C8orf34: variants seen among roughly 807,000 people sequenced by gnomAD.
C8orf34 encodes uncharacterized protein C8orf34.
C8orf34 carries 65 observed loss-of-function variants against 68.3 expected under a neutral mutation model. That is an observed-to-expected ratio of 0.95 (90% CI 0.78 to 1.17). The LOEUF (loss-of-function observed/expected upper bound fraction) is 1.17, where lower values mean the gene tolerates loss of function less well. Ranked by LOEUF, C8orf34 falls within the 50% of genes most tolerant of loss-of-function variation. The probability of loss-of-function intolerance (pLI) is 0.00; values close to 1 mark genes in which losing one functional copy is unlikely to be tolerated. For synonymous variants in C8orf34, 244 were observed against 241.2 expected, an observed-to-expected ratio of 1.01 and a Z score of -0.11; for missense variants, 664 against 655.4, an observed-to-expected ratio of 1.01 and a Z score of -0.14.
intron 7 of C8orf34, among the ~76,000 whole-genome samples, chr8:68,566,847 T>A (rs990803765): frequency 2.6e-5 from 4 of 152,238 alleles, no homozygotes; most frequent in Non-Finnish European, 5.9e-5. Context: ...AAAGGGATGC[T>A]GGATTTTGTT....
At chr8:68,475,596 C>T (rs1445702732) in intron 4 of C8orf34, among the ~76,000 whole-genome samples, 2 of 152,168 alleles carry the variant, frequency 1.3e-5, no homozygotes, top group Non-Finnish European at 2.9e-5. Context: ...GTAGATTTGA[C>T]TTGTTTGCTG....
At chr8:68,639,001 C>T (rs1005658951) in intron 7 of C8orf34, among the ~76,000 whole-genome samples, 1 of 151,984 alleles carries the variant, frequency 6.6e-6, no homozygotes, top group African/African-American at 2.4e-5. Context: ...ATAGGGTGTT[C>T]TAGTGGTGAA....
At chr8:68,392,944 T>C (rs986668857) in intron 1 of C8orf34, among the ~76,000 whole-genome samples, 19 of 152,172 alleles carry the variant, frequency 1.2e-4, no homozygotes, top group African/African-American at 4.6e-4. Context: ...CATTCTCTTT[T>C]GAATTTTGTT....
intron 7 of C8orf34, among the ~76,000 whole-genome samples, chr8:68,593,929 T>C (rs551018493): frequency 6.6e-6 from 1 of 152,244 alleles, no homozygotes; most frequent in South Asian, 2.1e-4. Context: ...TTGATATATG[T>C]TTTTCATTTT....
At position 68,477,798 on chromosome 8, in the gene C8orf34, G is replaced by A. The variant is rs544206671; in HGVS notation, c.736+8978G>A. Among the ~76,000 whole-genome samples, 4 of 152,270 alleles carry A rather than the reference G, an allele frequency of 2.6e-5. No individual in the cohort carries two copies. The South Asian group carries it at 8.3e-4, about 32-fold the overall frequency. ...ATTCTTGACTTATGTGCACCCACAG[G>A]CCCAACACCACATGGAAGCCACCAA... On this transcript the variant is annotated intron_variant, in intron 4 of 13. Transcript: ENST00000518698.
At chr8:68,559,565 C>CA (rs200778323) in intron 7 of C8orf34, among the ~76,000 whole-genome samples, 389 of 151,894 alleles carry the variant, frequency 2.6e-3, no homozygotes, top group African/African-American at 8.3e-3. Context: ...GAGTCTATGG[C>CA]AAAAAAACAT....
intron 8 of C8orf34, among the ~76,000 whole-genome samples, chr8:68,693,073 TTTC>T (rs1388835838): frequency 2.6e-5 from 4 of 152,126 alleles, no homozygotes; most frequent in African/African-American, 9.6e-5. Flanking sequence ...TTTATGATAA[TTTC>T]TTCATTTCCT....
chr8:68,738,834 A>G (rs1337639786), intron 10 of C8orf34, among the ~76,000 whole-genome samples: 1 of 152,154 alleles, frequency 6.6e-6, no homozygotes, highest in Non-Finnish European at 1.5e-5. Flanking sequence ...AGATGGATTC[A>G]CAGCTGAATT....
chr8:68,565,186 G>A (rs1318012337), intron 7 of C8orf34, among the ~76,000 whole-genome samples: 2 of 151,932 alleles, frequency 1.3e-5, no homozygotes, highest in East Asian at 1.9e-4. Flanking sequence ...TGCCCAGATT[G>A]GCATCATTGC....
intron 5 of C8orf34, among the ~76,000 whole-genome samples, chr8:68,509,496 A>G (rs184112741): frequency 5.3e-4 from 80 of 152,044 alleles, no homozygotes; most frequent in Non-Finnish European, 8.7e-4. Context: ...AAGCCAACCA[A>G]TTTAAGACTT....
intron 1 of C8orf34, among the ~76,000 whole-genome samples, chr8:68,368,628 G>A (rs1184895151): frequency 6.6e-6 from 1 of 151,996 alleles, no homozygotes; most frequent in African/African-American, 2.4e-5. Flanking sequence ...AGTTAGGAAA[G>A]TTTTCTTCTC....
intron 11 of C8orf34, among the ~76,000 whole-genome samples, chr8:68,782,198 T>C (rs1001488042): frequency 6.6e-6 from 1 of 152,234 alleles, no homozygotes; most frequent in African/African-American, 2.4e-5. Flanking sequence ...TCAGAGACTA[T>C]GTCACATTTT....
At chr8:68,600,955 ACTGT>A (rs1401854766) in intron 7 of C8orf34, among the ~76,000 whole-genome samples, 1 of 152,122 alleles carries the variant, frequency 6.6e-6, no homozygotes, top group Non-Finnish European at 1.5e-5. Flanking sequence ...TCATCATTCT[ACTGT>A]CTATCTTCAC....
chr8:68,343,499 C>A (rs144751372), intron 1 of C8orf34, among the ~76,000 whole-genome samples: 74 of 152,202 alleles, frequency 4.9e-4, no homozygotes, highest in African/African-American at 1.8e-3. Flanking sequence ...TCTTGGTTCA[C>A]TGCAGCTTCT....
chr8:68,450,017 A>G (rs949167144), intron 3 of C8orf34, among the ~76,000 whole-genome samples: 8 of 152,166 alleles, frequency 5.3e-5, no homozygotes, highest in Non-Finnish European at 1.0e-4. Context: ...AACTAAGTTG[A>G]TGCAATATTT....
intron 5 of C8orf34, among the ~76,000 whole-genome samples, chr8:68,506,542 T>G (rs535106814): frequency 6.6e-6 from 1 of 152,172 alleles, no homozygotes; most frequent in Non-Finnish European, 1.5e-5. Context: ...ATGCCTGATT[T>G]TTTTTTGCCC....
intron 1 of C8orf34, among the ~76,000 whole-genome samples, chr8:68,405,998 G>A (rs907196723): frequency 1.3e-5 from 2 of 152,126 alleles, no homozygotes; most frequent in African/African-American, 2.4e-5. Flanking sequence ...AAACCATGTC[G>A]CCAAATAAAA....
intron 9 of C8orf34, among the ~76,000 whole-genome samples, chr8:68,719,953 A>AAAT (rs1478813274): frequency 6.6e-6 from 1 of 151,972 alleles, no homozygotes. Context: ...TGGAGGACTT[A>AAAT]AATTATGCTT....
chr8:68,447,850 G>A (rs985056642), intron 3 of C8orf34: 1 of 152,148 alleles, frequency 6.6e-6, no homozygotes, highest in Non-Finnish European at 1.5e-5. Context: ...TGCTTCATCA[G>A]TTTGGTATAT....
Sources: allele counts gnomAD v4.1 joint callset (sites outside exome capture counted in the v4.1 genomes callset), GRCh38; gene constraint gnomAD v4.1.1; transcripts MANE v1.5; gene names NCBI Gene and HGNC (gene_info 2026-07-23, HGNC 2026-07-21).